TPTE: variants seen among roughly 807,000 people sequenced by gnomAD.
TPTE encodes putative tyrosine-protein phosphatase TPTE.
In TPTE, 59 loss-of-function variants were observed where a neutral mutation model predicts 84.1. That is an observed-to-expected ratio of 0.70 (90% CI 0.57 to 0.87). The LOEUF is 0.87. Among genes scored for constraint, TPTE ranks in the 40% least tolerant of loss-of-function variants. The pLI is 0.00. For missense variants in TPTE, 382 were observed against 659.6 expected, an observed-to-expected ratio of 0.58 and a Z score of 4.61; for synonymous variants, 130 against 223.5, an observed-to-expected ratio of 0.58 and a Z score of 3.73.
At chr21:10,563,686 A>G (rs2145683926) in intron 10 of TPTE, among the ~76,000 whole-genome samples, 1 of 152,430 alleles carries the variant, frequency 6.6e-6, no homozygotes, top group South Asian at 2.1e-4. Flanking sequence ...TCATATCACC[A>G]GAGAAAATTA....
intron 3 of TPTE, among the ~76,000 whole-genome samples, chr21:10,537,218 T>C (rs556333014): frequency 6.6e-6 from 1 of 152,428 alleles, no homozygotes; most frequent in East Asian, 1.9e-4. Flanking sequence ...CTGTATTCAA[T>C]TGTAAAGAAC....
intron 14 of TPTE, among the ~76,000 whole-genome samples, chr21:10,570,924 C>A (rs1474219010): frequency 3.9e-5 from 6 of 152,300 alleles, no homozygotes; most frequent in African/African-American, 1.4e-4. Context: ...CTACCCTCGA[C>A]TGAAAGAGCC....
At chr21:10,560,620 A>G (rs1362648008) in intron 9 of TPTE, among the ~76,000 whole-genome samples, 44 of 152,416 alleles carry the variant, frequency 2.9e-4, no homozygotes, top group Non-Finnish European at 4.9e-4. Flanking sequence ...TTTGGTTTTT[A>G]TTAATAAATT....
intron 10 of TPTE, among the ~76,000 whole-genome samples, chr21:10,564,148 A>G (rs1355510117): frequency 1.3e-5 from 2 of 152,294 alleles, no homozygotes; most frequent in Non-Finnish European, 2.9e-5. Context: ...GCAAGACTCC[A>G]GCTCAAAAAT....
intron 1 of TPTE, among the ~76,000 whole-genome samples, chr21:10,523,726 T>G (rs1298678369): frequency 3.0e-4 from 46 of 152,420 alleles, no homozygotes; most frequent in African/African-American, 1.1e-3. Context: ...GTTCCAAGTC[T>G]TTGCTATTGT....
chr21:10,597,412 CTTT>C (rs146272836), intron 20 of TPTE, among the ~76,000 whole-genome samples: 96 of 139,836 alleles, frequency 6.9e-4, no homozygotes, highest in East Asian at 4.0e-3. Flanking sequence ...TTTCTTTTTT[CTTT>C]TTTTTTTTTT....
At chr21:10,533,720 G>A (rs1481210207) in intron 3 of TPTE, among the ~76,000 whole-genome samples, 1 of 152,308 alleles carries the variant, frequency 6.6e-6, no homozygotes, top group African/African-American at 2.4e-5. Flanking sequence ...ATGAAGAGAA[G>A]TGATGTGCCC....
intron 12 of TPTE, 53 bp downstream of exon 12, chr21:10,569,589 C>T: frequency 1.9e-6 from 3 of 1,613,732 alleles, no homozygotes; most frequent in Non-Finnish European, 1.7e-6. Context: ...TGTTTTGGGA[C>T]CCATTGACAA....
chr21:10,561,081 C>T lies in TPTE; in HGVS notation c.336C>T (p.Asp112=), dbSNP rs1343174386. 1.2e-6 allele frequency: 2 copies of T among 1,612,114 alleles called. No individual in the cohort carries two copies. Among genetic ancestry groups the T allele is most frequent in the African/African-American group, 1.3e-5 (1 of 75,014 alleles). ...VLLDVTLILA[D]LIFTDSKLYI... ...TGGATGTCACTCTCATCCTTGCCGA[C>T]CTAATTTTCACTGACAGCAAACTTT... Residue 112 remains aspartate (D), a synonymous_variant, in exon 10 of 24, where the codon GAC becomes GAT. Transcript: ENST00000618007.
At chr21:10,564,411 G>A (rs535421989) in intron 10 of TPTE, among the ~76,000 whole-genome samples, 173 of 152,342 alleles carry the variant, frequency 1.1e-3, no homozygotes, top group African/African-American at 3.7e-3. Flanking sequence ...TCATGAGGCC[G>A]AGGCCGGAGA....
intron 17 of TPTE, among the ~76,000 whole-genome samples, chr21:10,581,878 G>C (rs1281923017): frequency 6.6e-6 from 1 of 152,308 alleles, no homozygotes; most frequent in Non-Finnish European, 1.5e-5. Flanking sequence ...GGGACTACAG[G>C]TGAGCGTCAC....
chr21:10,531,569 G>C (rs1391311666), intron 3 of TPTE, among the ~76,000 whole-genome samples: 1 of 152,308 alleles, frequency 6.6e-6, no homozygotes, highest in Non-Finnish European at 1.5e-5. Context: ...CAGATGCATG[G>C]AATCCCATTC....
chr21:10,534,061 C>T (rs558930154), intron 3 of TPTE, among the ~76,000 whole-genome samples: 4 of 152,426 alleles, frequency 2.6e-5, no homozygotes, highest in Non-Finnish European at 5.9e-5. Flanking sequence ...ACACAGCTAT[C>T]TGTTACAAGT....
intron 4 of TPTE, among the ~76,000 whole-genome samples, chr21:10,539,327 C>T (rs1281680775): frequency 6.6e-5 from 10 of 152,414 alleles, no homozygotes; most frequent in Non-Finnish European, 8.8e-5. Context: ...GGTGCTAAAA[C>T]ATAAACACAA....
intron 10 of TPTE, among the ~76,000 whole-genome samples, chr21:10,566,104 A>C (rs540868297): frequency 1.3e-5 from 2 of 152,422 alleles, no homozygotes; most frequent in South Asian, 4.1e-4. Flanking sequence ...TTTGCAAACT[A>C]CCCATCTGAA....
chr21:10,573,659 A>C (rs1346719653), intron 14 of TPTE, among the ~76,000 whole-genome samples: 2 of 152,304 alleles, frequency 1.3e-5, no homozygotes, highest in Non-Finnish European at 2.9e-5. Flanking sequence ...GTATACAAGT[A>C]TTGAGATATC....
chr21:10,603,963 T>A (rs866903773), intron 23 of TPTE, among the ~76,000 whole-genome samples: 2 of 152,308 alleles, frequency 1.3e-5, no homozygotes, highest in Admixed American at 6.5e-5. Flanking sequence ...ATATGTCAGG[T>A]CCCTGTCAGT....
intron 8 of TPTE, among the ~76,000 whole-genome samples, chr21:10,557,098 C>T (rs1257771575): frequency 6.6e-6 from 1 of 152,304 alleles, no homozygotes; most frequent in Non-Finnish European, 1.5e-5. Context: ...TTTTGTTCAC[C>T]TGCTACATTT....
In TPTE at chr21:10,522,161, C is replaced by T. The variant is rs1171385023; in HGVS notation, c.-211+467C>T. Among the ~76,000 whole-genome samples, 37 of 152,356 alleles carry T rather than the reference C, an allele frequency of 2.4e-4. No individual in the cohort carries two copies. In the East Asian group the frequency reaches 4.8e-3, roughly 20 times the overall value. On this transcript the variant is annotated intron_variant, in intron 1 of 23. Transcript: ENST00000618007. ...GTTGTCTTGTCCCCCCCCAGGATGA[C>T]CTGAGTTCCCCGTGTCTGCTTTCTA...
Sources: gnomAD v4.1 joint callset for allele counts (sites outside exome capture counted in the v4.1 genomes callset) on GRCh38, gnomAD v4.1.1 for gene constraint, MANE v1.5 for transcripts, NCBI Gene and HGNC (gene_info 2026-07-23, HGNC 2026-07-21) for gene names.